The following POP4 variants were observed in gnomAD, a reference collection of about 807,000 sequenced individuals.
The protein encoded by POP4 is ribonuclease P protein subunit p29.
In POP4, 31 loss-of-function variants were observed where a neutral mutation model predicts 29.9. The ratio of observed to expected loss-of-function variants is 1.04; its 90% CI spans 0.78 to 1.40. The LOEUF (loss-of-function observed/expected upper bound fraction) is 1.40. POP4 is among the 40% of genes most tolerant of loss of function. POP4 has a pLI of 0.00. For missense variants in POP4, 286 were observed against 282.7 expected, an observed-to-expected ratio of 1.01 and a Z score of -0.08; for synonymous variants, 110 against 108.2, an observed-to-expected ratio of 1.02 and a Z score of -0.10.
At chr19:29,613,421 T>C (rs986160435) in intron 5 of POP4, among the ~76,000 whole-genome samples, 1 of 152,160 alleles carries the variant, frequency 6.6e-6, no homozygotes, top group African/African-American at 2.4e-5. Context: ...CTGCTTGTGA[T>C]GGTGGCTCAT....
At chr19:29,609,625 CTTTG>C (rs113199520) in intron 2 of POP4, among the ~76,000 whole-genome samples, 4,017 of 143,594 alleles carry the variant, frequency 0.028, 93 homozygotes, top group African/African-American at 0.074. Context: ...TGGAGGGTTT[CTTTG>C]TTTGTTTGTT....
chr19:29,611,911 G>T lies in POP4; in HGVS notation c.334G>T (p.Asp112Tyr). ...TGAACTCTGGAAACAGTACATCAGGGACCTGTGCAGTGGGCTCAAGCCAGA... is the reference window on the plus strand; with the variant it reads ...TGAACTCTGGAAACAGTACATCAGGTACCTGTGCAGTGGGCTCAAGCCAGA... ...LHELWKQYIR[D>Y]LCSGLKPDTQ... Residue 112 changes from aspartate (D) to tyrosine (Y), a missense_variant, in exon 4 of 7, where the codon GAC (aspartate) becomes TAC (tyrosine). Asp to Tyr is a radical substitution (Grantham distance 160). Transcript: ENST00000585603. 1 of 1,614,166 alleles carries T rather than the reference G, an allele frequency of 6.2e-7. No individual in the cohort carries two copies. Among genetic ancestry groups the T allele is most frequent in the South Asian group, 1.1e-5 (1 of 91,070 alleles).
At chr19:29,606,597 G>C (rs886904705) in intron 1 of POP4, 7 of 381,562 alleles carry the variant, frequency 1.8e-5, no homozygotes, top group African/African-American at 1.5e-4. Context: ...TCCAGGCCTT[G>C]GCTCAACTTG....
At chr19:29,608,617 C>T in intron 1 of POP4, 40 bp from the exon 2 acceptor site, 4 of 1,593,288 alleles carry the variant, frequency 2.5e-6, no homozygotes, top group Non-Finnish European at 3.4e-6. Context: ...TACAGCCATA[C>T]CCAACAAGAA....
rs189372850 is a variant in POP4 at position 29,615,391 on chromosome 19, G to A, written c.*11G>A. 512 of 1,609,968 alleles carry A rather than the reference G, an allele frequency of 3.2e-4. No individual in the cohort carries two copies. The highest frequency in any genetic ancestry group is 1.1e-3 in the Admixed American group (64 of 59,098). ...ACGATTGACCTGTGAATTCTTTGCC[G>A]TCTAAGGCAGTTGTTTATGACAGCT... On this transcript the variant is annotated 3_prime_UTR_variant, in exon 7 of 7. Transcript: ENST00000585603.
intron 1 of POP4, 33 bp downstream of exon 1, chr19:29,606,358 G>A (rs1415945029): frequency 1.2e-6 from 2 of 1,600,694 alleles, no homozygotes; most frequent in Non-Finnish European, 1.7e-6. Context: ...AGAGGGTTGG[G>A]GACGTTAAGG....
chr19:29,608,262 C>CTTTTCTTT lies in POP4; in HGVS notation c.8-391_8-390insCTTTTTTT, dbSNP rs1491529433. ...TAGTTATTTTCTTTTCTTTTCTTTT[C>CTTTTCTTT]TTTTTTTTTTTTTTTTTTTTTTGAG... On this transcript the variant is annotated intron_variant, in intron 1 of 6. Transcript: ENST00000585603. Among the ~76,000 whole-genome samples, 8 of 86,560 alleles carry CTTTTCTTT rather than the reference C, an allele frequency of 9.2e-5. 1 individual carries two copies. The highest frequency in any genetic ancestry group is 3.6e-4 in the African/African-American group (7 of 19,420). 56.8% of individuals were successfully genotyped at this position (86,560 alleles called of 152,430 possible). A position where few individuals can be genotyped will look rare whatever the true frequency, so the allele number is the denominator to read the frequency against.
chr19:29,614,244 T>C (rs1971106150), intron 6 of POP4, among the ~76,000 whole-genome samples: 1 of 152,160 alleles, frequency 6.6e-6, no homozygotes, highest in South Asian at 2.1e-4. Flanking sequence ...CCTGGGTCTG[T>C]TTAGGCCCCA....
intron 5 of POP4, among the ~76,000 whole-genome samples, chr19:29,612,830 T>C (rs1477506481): frequency 6.6e-6 from 1 of 152,242 alleles, no homozygotes; most frequent in Non-Finnish European, 1.5e-5. Context: ...ATTCAGCCAC[T>C]GTCATTCCCC....
chr19:29,611,774 G>C (rs1971071799), intron 3 of POP4, 88 bp from the exon 4 acceptor site: 1 of 1,091,340 alleles, frequency 9.2e-7, no homozygotes, highest in African/African-American at 1.6e-5. Context: ...TGCAGTTGTT[G>C]GCATCAAGTC....
intron 3 of POP4, chr19:29,610,951 A>G (rs1296120192): frequency 5.9e-6 from 2 of 337,302 alleles, no homozygotes; most frequent in African/African-American, 4.2e-5. Context: ...TTTAGTGTGT[A>G]TTACTTTGTA....
At chr19:29,608,942 C>A (rs1161707372) in intron 2 of POP4, 2 of 498,226 alleles carry the variant, frequency 4.0e-6, no homozygotes, top group East Asian at 6.8e-5. Flanking sequence ...CTTTCCTTAA[C>A]CTTTTATCAT....
chr19:29,608,819 TC>T (rs1050814845), intron 2 of POP4, 110 bp downstream of exon 2: 234 of 1,049,478 alleles, frequency 2.2e-4, no homozygotes, highest in Middle Eastern at 2.3e-4. Context: ...ATCATACTCC[TC>T]ATTTTTCTGG....
intron 2 of POP4, 144 bp downstream of exon 2, chr19:29,608,853 AGT>A: frequency 1.3e-6 from 1 of 769,686 alleles, no homozygotes; most frequent in Non-Finnish European, 2.1e-6. Flanking sequence ...GCTGGATCAA[AGT>A]CTGTAGTTCT....
At chr19:29,613,996 T>C (rs1971103375) in intron 6 of POP4, 24 bp downstream of exon 6, 2 of 1,600,840 alleles carry the variant, frequency 1.2e-6, no homozygotes, top group Non-Finnish European at 1.7e-6. Context: ...TCTGAGGGCA[T>C]TGCTTGCGGG....
intron 2 of POP4, among the ~76,000 whole-genome samples, chr19:29,609,940 C>G (rs1344366114): frequency 6.6e-6 from 1 of 152,176 alleles, no homozygotes; most frequent in Non-Finnish European, 1.5e-5. Flanking sequence ...GAGGCTTGGC[C>G]GACCCTGGAG....
intron 5 of POP4, among the ~76,000 whole-genome samples, chr19:29,612,440 G>A (rs1456241145): frequency 6.6e-6 from 1 of 152,122 alleles, no homozygotes; most frequent in Non-Finnish European, 1.5e-5. Context: ...GTACCCTAAA[G>A]GGCACAGTGG....
chr19:29,613,854 G>A lies in POP4; in HGVS notation c.425-17G>A. The A allele has an allele frequency of 6.2e-7, 1 of 1,609,352 alleles. No homozygotes were observed. ...ACCACAGAGGCCTGAGCCTGGAACT[G>A]TCCTTTTTCTTTGCAGTGACAAAAT... On this transcript the variant is annotated splice_polypyrimidine_tract_variant and intron_variant, in intron 5 of 6. Coordinates refer to ENST00000585603, the MANE Select transcript of POP4 (RefSeq NM_006627.3).
chr19:29,608,312 G>A (rs1407927096), intron 1 of POP4, among the ~76,000 whole-genome samples: 2 of 138,906 alleles, frequency 1.4e-5, no homozygotes, highest in Non-Finnish European at 3.0e-5. Flanking sequence ...TGTCACCCAG[G>A]CTGGAGTGCA....
Sources: gnomAD v4.1 joint callset for allele counts (sites outside exome capture counted in the v4.1 genomes callset) on GRCh38, gnomAD v4.1.1 for gene constraint, MANE v1.5 for transcripts, NCBI Gene and HGNC (gene_info 2026-07-23, HGNC 2026-07-21) for gene names.